Variants in SH3BGR observed in about 807,000 individuals in gnomAD.
SH3BGR encodes SH3 domain binding glutamate rich protein, also known as SH3 domain-binding glutamic acid-rich protein.
A neutral mutation model predicts 24.5 loss-of-function variants in SH3BGR; 29 were observed. That is an observed-to-expected ratio of 1.18 (90% CI 0.88 to 1.61). The LOEUF (loss-of-function observed/expected upper bound fraction) is 1.61, where lower values mean the gene tolerates loss of function less well. Among genes scored for constraint, SH3BGR ranks in the 40% most tolerant of loss-of-function variants. The probability of loss-of-function intolerance (pLI) is 0.00; values close to 1 mark genes in which losing one functional copy is unlikely to be tolerated. For synonymous variants in SH3BGR, 55 were observed against 65.7 expected, an observed-to-expected ratio of 0.84 and a Z score of 0.79; for missense variants, 162 against 205.8, an observed-to-expected ratio of 0.79 and a Z score of 1.30.
Position 39,499,850 on chromosome 21 carries a change from G to A in SH3BGR, c.340G>A (p.Glu114Lys), listed in dbSNP as rs2078463792. ...KGSEKAEEGG[E>K]TEAQKEGSED... ...ATCAGAGAAGGCTGAAGAAGGTGGA[G>A]AAACTGAGGCACAAAAAGAGGGCAG... is the stretch of plus-strand genomic sequence containing the variant. Residue 114 changes from glutamate (E) to lysine (K), a missense_variant, in exon 4 of 7, where the codon GAA becomes AAA. Physicochemically the swap from Glu to Lys is moderately conservative, Grantham distance 56 (BLOSUM62 1). Coordinates refer to ENST00000333634, the MANE Select transcript of SH3BGR (RefSeq NM_007341.3). 1 of 1,613,694 alleles carries A rather than the reference G, an allele frequency of 6.2e-7. No individual in the cohort carries two copies. The highest frequency in any genetic ancestry group is 1.3e-5 in the African/African-American group (1 of 74,854).
intron 3 of SH3BGR, among the ~76,000 whole-genome samples, chr21:39,487,961 T>C (rs2078237684): frequency 6.6e-6 from 1 of 152,200 alleles, no homozygotes; most frequent in Non-Finnish European, 1.5e-5. Flanking sequence ...GCATAAAAGA[T>C]ATGAATTTGG....
chr21:39,451,947 T>A (rs374778104), upstream of SH3BGR: 49 of 1,614,056 alleles, frequency 3.0e-5, no homozygotes, highest in Non-Finnish European at 4.2e-5. Context: ...GCCTCTTAAG[T>A]TGGAGCGGGA....
intron 1 of SH3BGR, among the ~76,000 whole-genome samples, chr21:39,460,873 G>T (rs927534236): frequency 6.6e-6 from 1 of 151,724 alleles, no homozygotes; most frequent in South Asian, 2.1e-4. Flanking sequence ...CTGTAACCTC[G>T]AACTCCTGGG....
At chr21:39,461,392 C>A (rs1200252244) in intron 1 of SH3BGR, among the ~76,000 whole-genome samples, 2 of 152,134 alleles carry the variant, frequency 1.3e-5, no homozygotes, top group Non-Finnish European at 2.9e-5. Flanking sequence ...CCACCTTGGC[C>A]TCCTAAAGTG....
intron 1 of SH3BGR, among the ~76,000 whole-genome samples, chr21:39,461,671 T>C (rs567174145): frequency 2.0e-5 from 3 of 152,260 alleles, no homozygotes; most frequent in Admixed American, 2.0e-4. Flanking sequence ...GGCTGAAGCT[T>C]GTCTGCTGTC....
chr21:39,504,664 A>G (rs2078553056), intron 4 of SH3BGR, among the ~76,000 whole-genome samples: 1 of 152,204 alleles, frequency 6.6e-6, no homozygotes. Context: ...ATCTTGGCTT[A>G]ATTGACTGGA....
At chr21:39,447,972 C>G (rs1313910463), upstream of SH3BGR, among the ~76,000 whole-genome samples, 1 of 152,100 alleles carries the variant, frequency 6.6e-6, no homozygotes, top group Non-Finnish European at 1.5e-5. Flanking sequence ...TCTGAAAGTC[C>G]ATGTTTCCTC....
At chr21:39,485,625 T>C (rs1431669731) in intron 3 of SH3BGR, among the ~76,000 whole-genome samples, 1 of 152,184 alleles carries the variant, frequency 6.6e-6, no homozygotes, top group African/African-American at 2.4e-5. Context: ...ACCCATCTGC[T>C]TCTCAACAAA....
chr21:39,471,423 T>G (rs540381872), intron 2 of SH3BGR, among the ~76,000 whole-genome samples: 2 of 152,040 alleles, frequency 1.3e-5, no homozygotes, highest in South Asian at 4.1e-4. Context: ...CTCAAACAAT[T>G]AAATTAACAA....
chr21:39,498,367 C>A (rs551003356), intron 3 of SH3BGR, among the ~76,000 whole-genome samples: 1 of 152,198 alleles, frequency 6.6e-6, no homozygotes, highest in South Asian at 2.1e-4. Context: ...AAGGCTGGGA[C>A]CCATTTTGTA....
intron 3 of SH3BGR, among the ~76,000 whole-genome samples, chr21:39,479,367 T>C (rs2078091224): frequency 1.4e-5 from 2 of 147,310 alleles, no homozygotes; most frequent in South Asian, 4.3e-4. Flanking sequence ...GTGGAGATGA[T>C]GGTGGTGGTG....
At chr21:39,513,360 G>A (rs937278503) in intron 6 of SH3BGR, among the ~76,000 whole-genome samples, 18 of 152,196 alleles carry the variant, frequency 1.2e-4, no homozygotes, top group African/African-American at 4.1e-4. Flanking sequence ...AAAATTGGCT[G>A]ACAAATAGCA....
intron 3 of SH3BGR, among the ~76,000 whole-genome samples, chr21:39,485,614 A>C (rs1294550725): frequency 6.6e-6 from 1 of 152,100 alleles, no homozygotes; most frequent in East Asian, 1.9e-4. Flanking sequence ...TCGTCTAATG[A>C]ACCCATCTGC....
chr21:39,512,520 A>G (rs147830372), intron 6 of SH3BGR, among the ~76,000 whole-genome samples: 1 of 152,356 alleles, frequency 6.6e-6, no homozygotes, highest in East Asian at 1.9e-4. Context: ...GTGAACATTT[A>G]TTAAGTGTTA....
At position 39,511,491 on chromosome 21, in the gene SH3BGR, G is replaced by T. The variant is rs1370843813; in HGVS notation, c.436-189G>T. On this transcript the variant is annotated intron_variant, in intron 5 of 6. Transcript: ENST00000333634. This position sits in a 1 kb window ranked among gnomAD's most constrained non-coding sequence, Gnocchi z 4.2. ...TGTGTTTGGGCGGTATGTGTGTGGG[G>T]TGTGTGTGTGGCATGTGTTTGTGTG... Among the ~76,000 whole-genome samples, 1 of 149,158 alleles carries T rather than the reference G, an allele frequency of 6.7e-6. No individual in the cohort carries two copies. The highest frequency in any genetic ancestry group is 2.1e-4 in the South Asian group (1 of 4,694).
At chr21:39,452,270 C>T (rs565866226) in intron 1 of SH3BGR, 129 bp downstream of exon 1, 225 of 1,051,510 alleles carry the variant, frequency 2.1e-4, no homozygotes, top group African/African-American at 2.4e-4. Flanking sequence ...TAAGTATGTG[C>T]GCCCTTTGCT....
At chr21:39,463,223 C>A (rs2077784439) in intron 2 of SH3BGR, among the ~76,000 whole-genome samples, 1 of 152,148 alleles carries the variant, frequency 6.6e-6, no homozygotes, top group Admixed American at 6.5e-5. Flanking sequence ...GAAATAAAGT[C>A]TTACTATAGA....
intron 2 of SH3BGR, among the ~76,000 whole-genome samples, chr21:39,469,687 C>T (rs1431604038): frequency 6.6e-6 from 1 of 150,794 alleles, no homozygotes; most frequent in Non-Finnish European, 1.5e-5. Context: ...GAGTTTTGCT[C>T]TTGTTGCCCA....
chr21:39,511,237 TG>T lies in SH3BGR; in HGVS notation c.436-441del, dbSNP rs2078687825. On this transcript the variant is annotated intron_variant, in intron 5 of 6. Coordinates refer to ENST00000333634, the MANE Select transcript of SH3BGR (RefSeq NM_007341.3). This position sits in a 1 kb window ranked among gnomAD's most constrained non-coding sequence, Gnocchi z 4.2. ...GATGTGTGTTATGGTGTGTATGTTA[TG>T]GTGTGGAGGGTATGTATGTGTATGT... is the stretch of plus-strand genomic sequence containing the variant. Among the ~76,000 whole-genome samples the T allele has an allele frequency of 6.7e-6, 1 of 149,402 alleles. No individual in the cohort carries two copies. The highest frequency in any genetic ancestry group is 2.0e-4 in the East Asian group (1 of 5,042).
Sources: gnomAD v4.1 joint callset for allele counts (sites outside exome capture counted in the v4.1 genomes callset) on GRCh38, gnomAD v4.1.1 for gene constraint, Gnocchi (gnomAD v3.1) non-coding constraint, MANE v1.5 for transcripts, NCBI Gene and HGNC (gene_info 2026-07-23, HGNC 2026-07-21) for gene names.